Variants in ELF4 observed in about 807,000 individuals in gnomAD.
The protein encoded by ELF4 is ETS-related transcription factor Elf-4.
A neutral mutation model predicts 31.7 loss-of-function variants in ELF4; 10 were observed. That is an observed-to-expected ratio of 0.32 (90% CI 0.19 to 0.54). The LOEUF (loss-of-function observed/expected upper bound fraction) is 0.54, where lower values mean the gene tolerates loss of function less well. Among genes scored for constraint, ELF4 ranks in the 20% least tolerant of loss-of-function variants. The probability of loss-of-function intolerance (pLI) is 0.95; values close to 1 mark genes in which losing one functional copy is unlikely to be tolerated. For missense variants in ELF4, 418 were observed against 522.0 expected (o/e 0.80, Z 1.94); for synonymous variants, 208 against 226.7 (o/e 0.92, Z 0.74).
intron 2 of ELF4, among the ~76,000 whole-genome samples, chrX:130,075,762 C>T (rs973703659): frequency 3.6e-5 from 4 of 111,560 alleles, no homozygotes; most frequent in Admixed American, 9.6e-5. Context: ...GGACCTAGTT[C>T]GCAGCCAGAG....
chrX:130,077,814 G>A (rs372843745), intron 2 of ELF4, among the ~76,000 whole-genome samples: 151 of 112,056 alleles, frequency 1.3e-3, no homozygotes, highest in African/African-American at 4.4e-3. Context: ...AGGGCCTGGC[G>A]TAGACTAAGC....
rs746657255 is a variant in ELF4 at position 130,072,524 on chromosome X, C to G, written c.341-107G>C. 3.5e-4 allele frequency: 279 copies of G among 803,276 alleles called. No individual in the cohort carries two copies. The African/African-American group carries it at 4.9e-3, about 14-fold the overall frequency. The allele number at this position is 803,276 out of a possible 1,213,427, so 66.2% of individuals were successfully genotyped here. On this transcript the variant is annotated intron_variant, in intron 4 of 8. Transcript: ENST00000308167. ...TCCAAGGGAGGGCGGGGGGCTCATC[C>G]CCCCAGCCCCAGACACAGGATACAC...
chrX:130,065,443 G>C lies in ELF4; in HGVS notation c.*1278C>G. 1 of 174,338 alleles carries C rather than the reference G, an allele frequency of 5.7e-6. No individual in the cohort carries two copies. Among genetic ancestry groups the C allele is most frequent in the African/African-American group, 2.9e-5 (1 of 34,008 alleles). 14.4% of individuals were successfully genotyped at this position (174,338 alleles called of 1,213,427 possible). On this transcript the variant is annotated 3_prime_UTR_variant, in exon 9 of 9. Transcript: ENST00000308167. Reference sequence around the variant, plus strand: ...TCCCGTCTTCTTGGTGAAGGAGTCAGGGTTAGGTGTGAAAGTGGGAGATGA... The same window carrying C: ...TCCCGTCTTCTTGGTGAAGGAGTCACGGTTAGGTGTGAAAGTGGGAGATGA...
rs757989054 is a variant in ELF4 at position 130,067,252 on chromosome X, G to A, written c.1461C>T (p.Pro487=). Residue 487 remains proline, a synonymous_variant, in exon 9 of 9, where the codon CCC becomes CCT. Coordinates refer to ENST00000308167, the MANE Select transcript of ELF4 (RefSeq NM_001421.4). ...PGAPLILSGL[P]QLLAGANRPT... ...GACGGTTGGCCCCAGCCAGAAGTTG[G>A]GGGAGGCCACTGAGAATCAGTGGAG... 2.5e-6 allele frequency: 3 copies of A among 1,210,884 alleles called. No individual in the cohort carries two copies. In the African/African-American group the frequency reaches 5.2e-5, roughly 21 times the overall value.
At chrX:130,082,910 G>A (rs780818967) in intron 1 of ELF4, among the ~76,000 whole-genome samples, 4 of 111,620 alleles carry the variant, frequency 3.6e-5, no homozygotes, top group South Asian at 3.7e-4. Context: ...TGGCAGTGCC[G>A]GGGTGGGCAA....
chrX:130,095,442 G>C (rs553958514), intron 1 of ELF4, among the ~76,000 whole-genome samples: 2 of 112,320 alleles, frequency 1.8e-5, no homozygotes, highest in Middle Eastern at 4.6e-3. Flanking sequence ...CCTTGATCTT[G>C]AAGTCCCTGC....
chrX:130,097,350 T>G, intron 1 of ELF4, among the ~76,000 whole-genome samples: 1 of 109,286 alleles, frequency 9.2e-6, no homozygotes, highest in Non-Finnish European at 1.9e-5. Context: ...GGCAGGAGAA[T>G]CTCTAGAACT....
At chrX:130,070,103 T>C (rs1932766778) in intron 7 of ELF4, among the ~76,000 whole-genome samples, 1 of 111,100 alleles carries the variant, frequency 9.0e-6, no homozygotes, top group South Asian at 3.8e-4. Flanking sequence ...AAGCCCTTCT[T>C]GGGGAAGAGG....
At chrX:130,111,269 G>A (rs1483026924), upstream of ELF4, among the ~76,000 whole-genome samples, 1 of 111,985 alleles carries the variant, frequency 8.9e-6, no homozygotes, top group Admixed American at 9.3e-5. Context: ...TGCTCGTTCC[G>A]CGCCCTTCCC....
At position 130,067,076 on chromosome X, in the gene ELF4, T is replaced by A; in HGVS notation, c.1637A>T (p.Tyr546Phe). The A allele has an allele frequency of 8.3e-7, 1 of 1,209,684 alleles. No homozygotes were observed. Among genetic ancestry groups the A allele is most frequent in the African/African-American group, 1.7e-5 (1 of 57,703 alleles). The part of the protein sequence containing the change: ...VKEGPLRSSS[Y>F]VQGMVTGAPM... ...GGCCCCCGTCACCATACCCTGAACA[T>A]AGGAGGAGGACCTCAGTGGCCCCTC... The change falls in exon 9 of 9, where the codon TAT becomes TTT. Residue 546 changes from tyrosine to phenylalanine, a missense_variant. By Grantham distance (22) the Tyr-to-Phe change is conservative. Around this residue, in one of 4 missense-constraint regions of ELF4, gnomAD observed 260 missense variants for 269.2 expected, o/e 0.97. Transcript: ENST00000308167.
At chrX:130,078,479 C>T (rs1004882113) in intron 2 of ELF4, among the ~76,000 whole-genome samples, 4 of 110,323 alleles carry the variant, frequency 3.6e-5, no homozygotes, top group Non-Finnish European at 5.7e-5. Flanking sequence ...AAAATTAGGC[C>T]GGGCATGGTG....
chrX:130,102,884 G>GAGAGAGAA (rs1216462216), intron 1 of ELF4, among the ~76,000 whole-genome samples: 4 of 43,744 alleles, frequency 9.1e-5, no homozygotes, highest in Non-Finnish European at 1.6e-4. Flanking sequence ...GAGAGAGAGA[G>GAGAGAGAA]AGAAAGAAAG....
At chrX:130,088,882 G>GT (rs1055232333) in intron 1 of ELF4, among the ~76,000 whole-genome samples, 6 of 112,006 alleles carry the variant, frequency 5.4e-5, no homozygotes, top group Admixed American at 9.4e-5. Flanking sequence ...AGAAACTAAC[G>GT]TGAAGCCTCC....
intron 1 of ELF4, among the ~76,000 whole-genome samples, chrX:130,100,748 C>T (rs1025906887): frequency 2.7e-5 from 3 of 111,721 alleles, no homozygotes; most frequent in Admixed American, 1.9e-4. Context: ...AATTATTTCA[C>T]GTGTATCTCT....
chrX:130,088,038 CTG>C (rs1280394020), intron 1 of ELF4, among the ~76,000 whole-genome samples: 1 of 110,785 alleles, frequency 9.0e-6, no homozygotes, highest in Non-Finnish European at 1.9e-5. Flanking sequence ...TGGAAAGCGA[CTG>C]TGAGTTACTG....
At chrX:130,082,857 T>C (rs1207694297) in intron 1 of ELF4, among the ~76,000 whole-genome samples, 2 of 111,765 alleles carry the variant, frequency 1.8e-5, no homozygotes, top group Non-Finnish European at 3.8e-5. Flanking sequence ...CCATGCACCA[T>C]AGCAGAAGCC....
rs535992813 is a variant in ELF4 at position 130,101,760 on chromosome X, T to C, written c.-210+8565A>G. Among the ~76,000 whole-genome samples, 36 of 107,086 alleles carry C rather than the reference T, an allele frequency of 3.4e-4. No individual in the cohort carries two copies. In the South Asian group the frequency reaches 4.1e-3, roughly 12 times the overall value. The allele number at this position is 107,086 out of a possible 115,157, so 93.0% of individuals were successfully genotyped here. A position where few individuals can be genotyped will look rare whatever the true frequency, so the allele number is the denominator to read the frequency against. On this transcript the variant is annotated intron_variant, in intron 1 of 8. Transcript: ENST00000308167. ...GTTGCAGTGAGCCGAGATCACGCCATTGCACTCCAGCCTGGGCGACAAGAG... is the reference window on the plus strand; with the variant it reads ...GTTGCAGTGAGCCGAGATCACGCCACTGCACTCCAGCCTGGGCGACAAGAG...
At position 130,069,386 on chromosome X, in the gene ELF4, T is replaced by C; in HGVS notation, c.1101A>G (p.Gly367=). 3 of 1,211,790 alleles carry C rather than the reference T, an allele frequency of 2.5e-6. No homozygotes were observed. The highest frequency in any genetic ancestry group is 3.4e-6 in the Non-Finnish European group (3 of 895,484). ...GLQPSASLEL[G]PSLDEEIPTT... ...TGGGGATCTCCTCGTCTAGCGACGGTCCCAATTCCAGACTCGCAGATGGCT... is the reference window on the plus strand; with the variant it reads ...TGGGGATCTCCTCGTCTAGCGACGGCCCCAATTCCAGACTCGCAGATGGCT... The change falls in exon 8 of 9, where the codon GGA becomes GGG. Residue 367 remains glycine (G), a synonymous_variant. Transcript: ENST00000308167.
rs1317279341 is a variant in ELF4 at position 130,074,155 on chromosome X, C to T, written c.248-14G>A. ...CCTCATTGTCATCTGGTCCGGGTTC[C>T]ATGGTGGGAGGAGAGAAGAAAAGTT... On this transcript the variant is annotated splice_polypyrimidine_tract_variant and intron_variant, in intron 3 of 8. Coordinates refer to ENST00000308167, the MANE Select transcript of ELF4 (RefSeq NM_001421.4). 2 of 1,207,911 alleles carry T rather than the reference C, an allele frequency of 1.7e-6. No homozygotes were observed. The highest frequency in any genetic ancestry group is 5.9e-5 in the East Asian group (2 of 33,739).
Sources: gnomAD v4.1 joint callset for allele counts (sites outside exome capture counted in the v4.1 genomes callset) on GRCh38, gnomAD v4.1.1 for gene constraint, gnomAD v4.1.1 regional missense constraint, MANE v1.5 for transcripts, NCBI Gene and HGNC (gene_info 2026-07-23, HGNC 2026-07-21) for gene names.